DBF4B: variants seen among roughly 807,000 people sequenced by gnomAD.
DBF4B encodes the protein protein DBF4 homolog B.
A neutral mutation model predicts 53.4 loss-of-function variants in DBF4B; 49 were observed. The ratio of observed to expected loss-of-function variants is 0.92; its 90% CI spans 0.73 to 1.16. DBF4B has a LOEUF of 1.16. Among genes scored for constraint, DBF4B ranks in the 50% most tolerant of loss-of-function variants. The probability of loss-of-function intolerance (pLI) is 0.00; values close to 1 mark genes in which losing one functional copy is unlikely to be tolerated. For missense variants in DBF4B, 692 were observed against 775.0 expected (o/e 0.89, Z 1.27); for synonymous variants, 257 against 288.7 (o/e 0.89, Z 1.11).
chr17:44,729,865 T>C (rs899630161), intron 3 of DBF4B, 40 bp from the exon 4 acceptor site: 7 of 1,599,050 alleles, frequency 4.4e-6, no homozygotes, highest in Non-Finnish European at 6.0e-6. Context: ...ATTCTGCATT[T>C]GCTTTTTGGT....
intron 8 of DBF4B, among the ~76,000 whole-genome samples, chr17:44,737,540 G>T (rs1381784856): frequency 6.6e-6 from 1 of 152,152 alleles, no homozygotes; most frequent in Non-Finnish European, 1.5e-5. Flanking sequence ...TTTTGCTTGG[G>T]TGCTACTGGT....
chr17:44,709,321 C>G lies in DBF4B; in HGVS notation c.37C>G (p.Leu13Val). The change falls in exon 2 of 14, where the codon CTG becomes GTG. Residue 13 changes from leucine to valine, a missense_variant. Physicochemically the swap from Leu to Val is conservative, Grantham distance 32. This residue lies in a region of DBF4B where 66 missense variants were observed against 51.3 expected (regional missense o/e 1.29). Transcript: ENST00000315005. ...TTTCTCAGGAGACGATTGCCTCGAG[C>G]TGGAGAGTTCCATGGCTGAGAGTAG... ...EPGKGDDCLE[L>V]ESSMAESRLR... is the part of the protein sequence containing the mutation. 6.2e-7 allele frequency: 1 copy of G among 1,614,116 alleles called. No individual in the cohort carries two copies.
Position 44,743,607 on chromosome 17 carries a change from CTTTTTT to C in DBF4B, c.830+2171_830+2176del, listed in dbSNP as rs71136042. ...CCAGCATAGTCAATACTGTATGATT[CTTTTTT>C]TTTTTTTTTTTTTTTGAGAATGAGT... On this transcript the variant is annotated intron_variant, in intron 10 of 13. Transcript: ENST00000315005. Among the ~76,000 whole-genome samples, 4 of 114,086 alleles carry C rather than the reference CTTTTTT, an allele frequency of 3.5e-5. No individual in the cohort carries two copies. The South Asian group carries it at 1.1e-3, about 32-fold the overall frequency. 74.8% of individuals were successfully genotyped at this position (114,086 alleles called of 152,430 possible).
chr17:44,716,820 T>C (rs1052027396), intron 2 of DBF4B, among the ~76,000 whole-genome samples: 3 of 152,150 alleles, frequency 2.0e-5, no homozygotes, highest in African/African-American at 7.2e-5. Context: ...CATTCTACTC[T>C]GTATGGTCCC....
chr17:44,750,017 C>T, intron 13 of DBF4B: 2 of 1,001,350 alleles, frequency 2.0e-6, no homozygotes. Context: ...TTCCCCTGAG[C>T]CCAGGATGTG....
chr17:44,721,239 G>A (rs945910604), intron 2 of DBF4B, among the ~76,000 whole-genome samples: 5 of 121,660 alleles, frequency 4.1e-5, no homozygotes, highest in African/African-American at 7.0e-5. Context: ...CCTTTTTTGC[G>A]ACAGAATCTC....
At chr17:44,742,088 C>CAAAAAAAAAA (rs201272304) in intron 10 of DBF4B, among the ~76,000 whole-genome samples, 1 of 128,228 alleles carries the variant, frequency 7.8e-6, no homozygotes, top group Admixed American at 8.1e-5. Flanking sequence ...TCTGCCTCTA[C>CAAAAAAAAAA]AAAAAATAAA....
intron 10 of DBF4B, among the ~76,000 whole-genome samples, chr17:44,742,409 CAAAAAA>C (rs1248602974): frequency 3.8e-4 from 20 of 52,098 alleles, no homozygotes; most frequent in African/African-American, 1.4e-3. Flanking sequence ...GACTCCTTCT[CAAAAAA>C]AAAAAAAAAA....
At chr17:44,740,890 C>G (rs1434006661) in intron 9 of DBF4B, among the ~76,000 whole-genome samples, 3 of 152,114 alleles carry the variant, frequency 2.0e-5, no homozygotes, top group Non-Finnish European at 4.4e-5. Flanking sequence ...AATCCCAGCA[C>G]TTTGGGAGGC....
At chr17:44,742,024 A>T (rs1237177669) in intron 10 of DBF4B, among the ~76,000 whole-genome samples, 3 of 151,874 alleles carry the variant, frequency 2.0e-5, no homozygotes, top group Non-Finnish European at 4.4e-5. Context: ...AAGTGGGAGG[A>T]TCACATGAGG....
Position 44,722,235 on chromosome 17 carries a change from A to AACAC in DBF4B, c.83-634_83-631dup, listed in dbSNP as rs372541456. On this transcript the variant is annotated intron_variant, in intron 2 of 13. Coordinates refer to ENST00000315005, the MANE Select transcript of DBF4B (RefSeq NM_145663.3). ...TTTGCAGCAGCATTCTGTGCTCTCC[A>AACAC]ACACACACACACACTTTGTCTTGTT... Among the ~76,000 whole-genome samples, 14 of 151,554 alleles carry AACAC rather than the reference A, an allele frequency of 9.2e-5. No individual in the cohort carries two copies. In the South Asian group the frequency reaches 1.9e-3, roughly 20 times the overall value.
rs1227402369 is a variant in DBF4B, at chr17:44,751,904, C to T, written c.*651C>T. On this transcript the variant is annotated 3_prime_UTR_variant, in exon 14 of 14. Transcript: ENST00000315005. ...CTGGTTCTCCTGTCCCCCTGCCCTT[C>T]CTCACCATTGCCCATTCCCTCGTTC... 5 of 1,536,170 alleles carry T rather than the reference C, an allele frequency of 3.3e-6. No homozygotes were observed. The Admixed American group carries it at 5.9e-5, about 18-fold the overall frequency.
chr17:44,725,314 CATATT>C lies in DBF4B; in HGVS notation c.225+2295_225+2299del, dbSNP rs1211713854. Among the ~76,000 whole-genome samples, 22 of 152,118 alleles carry C rather than the reference CATATT, an allele frequency of 1.4e-4. 1 individual carries two copies. The highest frequency in any genetic ancestry group is 1.1e-3 in the Admixed American group (17 of 15,258). On this transcript the variant is annotated intron_variant, in intron 3 of 13. Coordinates refer to ENST00000315005, the MANE Select transcript of DBF4B (RefSeq NM_145663.3). The stretch of plus-strand genomic sequence containing the variant: ...CAAAAATAATGTTAAAATAAACAAA[CATATT>C]ATCTGTTCACTCTAGAAATTTTAGA...
chr17:44,710,978 T>A (rs1265252353), intron 2 of DBF4B, among the ~76,000 whole-genome samples: 3 of 30,866 alleles, frequency 9.7e-5, no homozygotes, highest in African/African-American at 2.3e-4. Flanking sequence ...CCAGTTTGAT[T>A]TTTTTTTTTT....
At position 44,749,574 on chromosome 17, in the gene DBF4B, C is replaced by G; in HGVS notation, c.1190-1021C>G. 1 of 1,204,436 alleles carries G rather than the reference C, an allele frequency of 8.3e-7. No homozygotes were observed. The highest frequency in any genetic ancestry group is 1.1e-6 in the Non-Finnish European group (1 of 948,636). 74.6% of individuals were successfully genotyped at this position (1,204,436 alleles called of 1,614,324 possible). ...ACTGGCCAGGTCTTTGGGAGAGAAT[C>G]TGGGCTGGGGGCTGCCCTCTCCTAC... is the stretch of plus-strand genomic sequence containing the variant. On this transcript the variant is annotated intron_variant, in intron 13 of 13. Transcript: ENST00000315005. This position sits in a 1 kb window ranked among gnomAD's most constrained non-coding sequence, Gnocchi z 4.4.
intron 7 of DBF4B, among the ~76,000 whole-genome samples, chr17:44,735,516 C>T (rs982630409): frequency 1.3e-5 from 2 of 151,598 alleles, no homozygotes; most frequent in Non-Finnish European, 2.9e-5. Context: ...TACTAAAATA[C>T]AAAATTAGCC....
Position 44,747,864 on chromosome 17 carries a change from G to C in DBF4B, c.1064+349G>C, listed in dbSNP as rs908512586. On this transcript the variant is annotated intron_variant, in intron 12 of 13. Transcript: ENST00000315005. The stretch of plus-strand genomic sequence containing the variant: ...GTGAAAAGCAAAGTCTTTCCCCTCT[G>C]TAGAAGTCACCCCCAGAAAGAAGGA... 9.2e-5 allele frequency among the ~76,000 whole-genome samples: 14 copies of C among 152,120 alleles called. 1 individual carries two copies. The highest frequency in any genetic ancestry group is 4.4e-5 in the Non-Finnish European group (3 of 68,020).
At chr17:44,730,832 C>A in intron 4 of DBF4B, 133 bp from the exon 5 acceptor site, 1 of 856,402 alleles carries the variant, frequency 1.2e-6, no homozygotes, top group Non-Finnish European at 1.8e-6. Flanking sequence ...TCTACCAATC[C>A]TCAGTTGTCA....
rs559658839 is a variant in DBF4B, at chr17:44,719,039, T to G, written c.83-3841T>G. On this transcript the variant is annotated intron_variant, in intron 2 of 13. Coordinates refer to ENST00000315005, the MANE Select transcript of DBF4B (RefSeq NM_145663.3). ...TAGAGTGCAGTGGCGCGATCTTGGCTCACTGAAACCTCCAACTCCCTGGCT... is the reference window on the plus strand; with the variant it reads ...TAGAGTGCAGTGGCGCGATCTTGGCGCACTGAAACCTCCAACTCCCTGGCT... 13 of 151,060 alleles carry G rather than the reference T, an allele frequency of 8.6e-5. No homozygotes were observed. In the East Asian group the frequency reaches 2.4e-3, roughly 28 times the overall value. 9.4% of individuals were successfully genotyped at this position (151,060 alleles called of 1,614,324 possible). A position where few individuals can be genotyped will look rare whatever the true frequency, so the allele number is the denominator to read the frequency against.
Sources: allele counts gnomAD v4.1 joint callset (sites outside exome capture counted in the v4.1 genomes callset), GRCh38; gene constraint gnomAD v4.1.1; regional missense constraint gnomAD v4.1.1; non-coding constraint Gnocchi (gnomAD v3.1); transcripts MANE v1.5; gene names NCBI Gene and HGNC (gene_info 2026-07-23, HGNC 2026-07-21).